HCN2: variants seen among roughly 807,000 people sequenced by gnomAD.
HCN2 encodes the protein hyperpolarization activated cyclic nucleotide gated potassium and sodium channel 2.
A neutral mutation model predicts 52.3 loss-of-function variants in HCN2; 20 were observed. The ratio of observed to expected loss-of-function variants is 0.38; its 90% CI spans 0.27 to 0.56. The LOEUF (loss-of-function observed/expected upper bound fraction) is 0.56. Among genes scored for constraint, HCN2 ranks in the 20% least tolerant of loss-of-function variants. The probability of loss-of-function intolerance (pLI) is 0.71; values close to 1 mark genes in which losing one functional copy is unlikely to be tolerated. For missense variants in HCN2, 981 were observed against 1,207.7 expected, an observed-to-expected ratio of 0.81 and a Z score of 2.78; for synonymous variants, 694 against 537.0, an observed-to-expected ratio of 1.29 and a Z score of -4.04.
At chr19:607,094 C>T (rs997789098) in intron 3 of HCN2, among the ~76,000 whole-genome samples, 1 of 152,224 alleles carries the variant, frequency 6.6e-6, no homozygotes, top group Non-Finnish European at 1.5e-5. Flanking sequence ...ATCGCTTGAA[C>T]CCGGGAGCGG....
intron 5 of HCN2, among the ~76,000 whole-genome samples, chr19:612,427 T>TGTGTGTGTGTGTGTGTGTGTGAGAGAGA: frequency 7.0e-6 from 1 of 142,256 alleles, no homozygotes; most frequent in African/African-American, 2.6e-5. Flanking sequence ...TGTGTGTGTG[T>TGTGTGTGTGTGTGTGTGTGTGAGAGAGA]GAGAGAGAGA....
At chr19:614,597 A>C (rs1341656032) in intron 7 of HCN2, among the ~76,000 whole-genome samples, 1 of 152,142 alleles carries the variant, frequency 6.6e-6, no homozygotes, top group Non-Finnish European at 1.5e-5. Context: ...GAGGTGGAAA[A>C]GAGGCCTAGA....
chr19:604,984 G>T, intron 2 of HCN2, 77 bp from the exon 3 acceptor site: 1 of 1,491,398 alleles, frequency 6.7e-7, no homozygotes, highest in Non-Finnish European at 9.1e-7. Context: ...CCCGCAGTGG[G>T]GGCGCACGGG....
Position 616,798 on chromosome 19 carries a change from C to T in HCN2, c.*324C>T, listed in dbSNP as rs931810092. The T allele has an allele frequency of 1.0e-4, 23 of 223,916 alleles. No individual in the cohort carries two copies. The Middle Eastern group carries it at 5.1e-3, about 50-fold the overall frequency. 13.9% of individuals were successfully genotyped at this position (223,916 alleles called of 1,614,324 possible). ...GGGCGGCCCAGTGGCTGAGAGGAGC[C>T]GGCTGTGGAGCCCCGCCCGCCCCCC... On this transcript the variant is annotated 3_prime_UTR_variant, in exon 8 of 8. Transcript: ENST00000251287.
chr19:613,732 G>A, intron 6 of HCN2, 120 bp from the exon 7 acceptor site: 1 of 1,001,434 alleles, frequency 1.0e-6, no homozygotes. Flanking sequence ...CGGCACCAGG[G>A]AGAGCCTGGG....
rs569147800 is a variant in HCN2 at position 610,429 on chromosome 19, G to C, written c.1584+24G>C. 7.0e-5 allele frequency: 113 copies of C among 1,606,682 alleles called. 1 individual carries two copies. In the South Asian group the frequency reaches 1.2e-3, roughly 17 times the overall value. On this transcript the variant is annotated intron_variant, in intron 5 of 7. Coordinates refer to ENST00000251287, the MANE Select transcript of HCN2 (RefSeq NM_001194.4). The stretch of plus-strand genomic sequence containing the variant: ...AGGTGAGGCGGGCGCCGGGCGGGCG[G>C]GAGGCAGCCTCCGGTACAGGGCCGG...
At position 615,943 on chromosome 19, in the gene HCN2, C is replaced by T. The variant is rs1401577373; in HGVS notation, c.2139C>T (p.Leu713=). Residue 713 remains leucine (L), a synonymous_variant, in exon 8 of 8, where the codon CTC becomes CTT. Transcript: ENST00000251287. The stretch of plus-strand genomic sequence containing the variant: ...CCGAGCTGGGTCAGCGCGTGGGCCT[C>T]TTCCCGCCGCCGCCGCCGCCGCCGC... ...QQAELGQRVG[L]FPPPPPPPQV... 3.1e-6 allele frequency: 5 copies of T among 1,607,630 alleles called. No individual in the cohort carries two copies. Among genetic ancestry groups the T allele is most frequent in the Non-Finnish European group, 4.2e-6 (5 of 1,178,548 alleles).
At position 605,095 on chromosome 19, in the gene HCN2, T is replaced by C. The variant is rs1287008960; in HGVS notation, c.1091T>C (p.Val364Ala). The C allele has an allele frequency of 6.2e-7, 1 of 1,611,844 alleles. No individual in the cohort carries two copies. Among genetic ancestry groups the C allele is most frequent in the South Asian group, 1.1e-5 (1 of 91,040 alleles). ...FHMTYDLASA[V>A]MRICNLISMM... is the part of the protein sequence containing the mutation. ...ATGACCTATGACCTGGCCAGCGCGGTGATGAGGATCTGCAATCTCATCAGC... is the reference window on the plus strand; with the variant it reads ...ATGACCTATGACCTGGCCAGCGCGGCGATGAGGATCTGCAATCTCATCAGC... Residue 364 changes from valine to alanine, a missense_variant, in exon 3 of 8, where the codon GTG becomes GCG. Physicochemically the swap from Val to Ala is moderately conservative, Grantham distance 64. Transcript: ENST00000251287.
Position 590,931 on chromosome 19 carries a change from G to T in HCN2, c.632+354G>T, listed in dbSNP as rs1190130943. The T allele has an allele frequency of 6.1e-6, 1 of 164,288 alleles. No homozygotes were observed. The highest frequency in any genetic ancestry group is 6.4e-5 in the Admixed American group (1 of 15,604). 10.2% of individuals were successfully genotyped at this position (164,288 alleles called of 1,614,324 possible). Reference sequence around the variant, plus strand: ...GGGCCCCAGAGAGGCGGCGGAGCGGGAGGGAGGAGGAACGAAGGGCGCCCG... The same window carrying T: ...GGGCCCCAGAGAGGCGGCGGAGCGGTAGGGAGGAGGAACGAAGGGCGCCCG... On this transcript the variant is annotated intron_variant, in intron 1 of 7. Coordinates refer to ENST00000251287, the MANE Select transcript of HCN2 (RefSeq NM_001194.4). The surrounding 1 kb of genome is among the most constrained non-coding windows in gnomAD (Gnocchi z 7.2).
At chr19:601,430 G>A (rs966425211) in intron 1 of HCN2, among the ~76,000 whole-genome samples, 2 of 152,200 alleles carry the variant, frequency 1.3e-5, no homozygotes, top group African/African-American at 2.4e-5. Context: ...CATGGTGGAC[G>A]GGTCGCGCCG....
chr19:601,800 G>A (rs561099265), intron 1 of HCN2, among the ~76,000 whole-genome samples: 9 of 152,130 alleles, frequency 5.9e-5, no homozygotes, highest in East Asian at 1.9e-4. Context: ...CTGTGTGGAC[G>A]CGGCACTCCC....
chr19:599,815 G>T (rs1010139293), intron 1 of HCN2, among the ~76,000 whole-genome samples: 1 of 150,302 alleles, frequency 6.7e-6, no homozygotes, highest in Admixed American at 6.7e-5. Context: ...GAACTAAGAA[G>T]GCTGAGTTGG....
intron 1 of HCN2, among the ~76,000 whole-genome samples, chr19:593,433 A>G (rs929344176): frequency 6.8e-4 from 103 of 152,188 alleles, no homozygotes; most frequent in Non-Finnish European, 3.2e-4. Context: ...CCTGGCCAAC[A>G]TGGTGAGATG....
chr19:599,846 CCGTGTG>C (rs1983147643), intron 1 of HCN2, among the ~76,000 whole-genome samples: 1 of 79,558 alleles, frequency 1.3e-5, no homozygotes, highest in Non-Finnish European at 2.7e-5. Context: ...GGAAGGGGTC[CCGTGTG>C]TGTGTGTGTG....
chr19:605,373 C>T (rs56078997), intron 3 of HCN2, 151 bp downstream of exon 3: 1 of 414,032 alleles, frequency 2.4e-6, no homozygotes, highest in Non-Finnish European at 4.4e-6. Context: ...GGACTCGGGC[C>T]CTTACAGAGG....
Position 592,464 on chromosome 19 carries a change from G to A in HCN2, c.632+1887G>A, listed in dbSNP as rs929669826. 5.9e-5 allele frequency among the ~76,000 whole-genome samples: 9 copies of A among 152,100 alleles called. No homozygotes were observed. Among genetic ancestry groups the A allele is most frequent in the South Asian group, 4.1e-4 (2 of 4,832 alleles). On this transcript the variant is annotated intron_variant, in intron 1 of 7. Transcript: ENST00000251287. This position sits in a 1 kb window ranked among gnomAD's most constrained non-coding sequence, Gnocchi z 4.8. ...CCTTCCACCCTCCTTGGGCGTGGTC[G>A]CCTGGAGGCCTGGGCAGGCTGTGGC...
rs760027153 is a variant in HCN2, at chr19:607,273, G to A, written c.1219-691G>A. ...GGGTTAGTTATGGGAGCCCTCGGCCGCTACAGTCAGGTTAGTGGCCAGTGA... is the reference window on the plus strand; with the variant it reads ...GGGTTAGTTATGGGAGCCCTCGGCCACTACAGTCAGGTTAGTGGCCAGTGA... On this transcript the variant is annotated intron_variant, in intron 3 of 7. Transcript: ENST00000251287. Among the ~76,000 whole-genome samples the A allele has an allele frequency of 5.3e-5, 8 of 152,368 alleles. 1 individual carries two copies. The highest frequency in any genetic ancestry group is 2.1e-4 in the South Asian group (1 of 4,826).
chr19:616,270 C>T lies in HCN2; in HGVS notation c.2466C>T (p.Ala822=), dbSNP rs1197255632. The part of the protein sequence containing the change: ...RLSRASRPLS[A]SQPSLPHGAP... ...GCCGCGCGTCGCGCCCACTGTCCGC[C>T]TCGCAGCCCTCGCTGCCTCACGGCG... Residue 822 remains alanine (A), a synonymous_variant, in exon 8 of 8, where the codon GCC becomes GCT. Coordinates refer to ENST00000251287, the MANE Select transcript of HCN2 (RefSeq NM_001194.4). 2.9e-6 allele frequency: 3 copies of T among 1,044,562 alleles called. No individual in the cohort carries two copies. The highest frequency in any genetic ancestry group is 3.4e-6 in the Non-Finnish European group (3 of 871,472). The allele number at this position is 1,044,562 out of a possible 1,614,324, so 64.7% of individuals were successfully genotyped here. A position where few individuals can be genotyped will look rare whatever the true frequency, so the allele number is the denominator to read the frequency against.
At chr19:613,735 A>T in intron 6 of HCN2, 117 bp from the exon 7 acceptor site, 1 of 935,380 alleles carries the variant, frequency 1.1e-6, no homozygotes. Context: ...CACCAGGGAG[A>T]GCCTGGGTGG....
Sources: gnomAD v4.1 joint callset for allele counts (sites outside exome capture counted in the v4.1 genomes callset) on GRCh38, gnomAD v4.1.1 for gene constraint, Gnocchi (gnomAD v3.1) non-coding constraint, MANE v1.5 for transcripts, NCBI Gene and HGNC (gene_info 2026-07-23, HGNC 2026-07-21) for gene names.